The following BRF1 variants were observed in gnomAD, a reference collection of about 807,000 sequenced individuals.
The protein encoded by BRF1 is BRF1 general transcription factor IIIB subunit.
In BRF1, 59 loss-of-function variants were observed where a neutral mutation model predicts 81.7. That is an observed-to-expected ratio of 0.72 (90% CI 0.59 to 0.90). The LOEUF (loss-of-function observed/expected upper bound fraction) is 0.90, where lower values mean the gene tolerates loss of function less well. Ranked by LOEUF, BRF1 falls within the 40% of genes least tolerant of loss-of-function variation. BRF1 has a pLI of 0.00. For synonymous variants in BRF1, 491 were observed against 395.6 expected (o/e 1.24, Z -2.86); for missense variants, 1,050 against 936.3 (o/e 1.12, Z -1.58).
chr14:105,267,088 C>T (rs1051978554), intron 3 of BRF1, among the ~76,000 whole-genome samples: 3 of 152,144 alleles, frequency 2.0e-5, no homozygotes, highest in East Asian at 3.8e-4. Flanking sequence ...TTATGAGCAG[C>T]AGACACAGTT....
At position 105,271,837 on chromosome 14, in the gene BRF1, A is replaced by G. The variant is rs879445036; in HGVS notation, c.439+884T>C. On this transcript the variant is annotated intron_variant, in intron 3 of 17. Transcript: ENST00000547530. This position sits in a 1 kb window ranked among gnomAD's most constrained non-coding sequence, Gnocchi z 5.5. Reference sequence around the variant, plus strand: ...AAGCTGCACACCGCTGAGGGTCGGCAGCCTCCCCGCCCACCGCCTGCAGTC... The same window carrying G: ...AAGCTGCACACCGCTGAGGGTCGGCGGCCTCCCCGCCCACCGCCTGCAGTC... Among the ~76,000 whole-genome samples the G allele has an allele frequency of 3.4e-3, 411 of 122,338 alleles. No homozygotes were observed. The highest frequency in any genetic ancestry group is 0.021 in the Middle Eastern group (4 of 188). 80.3% of individuals were successfully genotyped at this position (122,338 alleles called of 152,430 possible). A position where few individuals can be genotyped will look rare whatever the true frequency, so the allele number is the denominator to read the frequency against.
chr14:105,292,545 AGGCCTGGCT>A (rs1406429034), intron 1 of BRF1, among the ~76,000 whole-genome samples: 1 of 152,168 alleles, frequency 6.6e-6, no homozygotes, highest in Non-Finnish European at 1.5e-5. Context: ...CACCTGTAGG[AGGCCTGGCT>A]GGCTGGGCAG....
chr14:105,247,093 C>T (rs2055173711), intron 5 of BRF1: 2 of 985,482 alleles, frequency 2.0e-6, no homozygotes, highest in African/African-American at 3.5e-5. Context: ...AAACAGACGG[C>T]TGGGACAGAA....
At chr14:105,241,588 C>G (rs1000474032) in intron 5 of BRF1, 174 bp from the exon 6 acceptor site, 21 of 837,722 alleles carry the variant, frequency 2.5e-5, no homozygotes, top group Non-Finnish European at 3.7e-5. Context: ...GGGCAGCCAT[C>G]GCACCGAACC....
At chr14:105,227,009 G>A (rs996626763) in intron 7 of BRF1, 1 of 459,170 alleles carries the variant, frequency 2.2e-6, no homozygotes, top group South Asian at 2.5e-5. Flanking sequence ...TGCTACTTGG[G>A]AGGCTGAGGT....
intron 3 of BRF1, among the ~76,000 whole-genome samples, chr14:105,260,133 C>A (rs1009995880): frequency 6.6e-6 from 1 of 152,114 alleles, no homozygotes; most frequent in Non-Finnish European, 1.5e-5. Context: ...GCAATTAGGG[C>A]CTGTGCATCT....
Position 105,308,471 on chromosome 14 carries a change from C to T in BRF1, c.-162+6851G>A, listed in dbSNP as rs587607727. Among the ~76,000 whole-genome samples, 30 of 148,286 alleles carry T rather than the reference C, an allele frequency of 2.0e-4. 1 individual carries two copies. In the East Asian group the frequency reaches 5.8e-3, roughly 29 times the overall value. ...TACTCCAGCCTGGGCACGACAGAGG[C>T]AGATTCTGTCTTTTTTTTTTTTTTT... On this transcript the variant is annotated intron_variant, in intron 1 of 17. Transcript: ENST00000327359.
chr14:105,222,721 C>A (rs962895534), intron 10 of BRF1, among the ~76,000 whole-genome samples: 1 of 152,114 alleles, frequency 6.6e-6, no homozygotes, highest in Non-Finnish European at 1.5e-5. Context: ...CTCCGCCTCC[C>A]GGGTTCACGC....
chr14:105,307,794 G>C (rs925466744), intron 1 of BRF1, among the ~76,000 whole-genome samples: 6 of 152,208 alleles, frequency 3.9e-5, no homozygotes, highest in Non-Finnish European at 2.9e-5. Flanking sequence ...CATGTGTCTG[G>C]TAGACAGACT....
chr14:105,292,220 G>A (rs1415626323), intron 1 of BRF1, among the ~76,000 whole-genome samples: 1 of 151,992 alleles, frequency 6.6e-6, no homozygotes, highest in African/African-American at 2.4e-5. Flanking sequence ...TTTCGCTCCT[G>A]TCGCCCAGGC....
intron 11 of BRF1, 152 bp from the exon 12 acceptor site, chr14:105,220,282 G>T (rs1400554827): frequency 2.7e-6 from 2 of 752,546 alleles, no homozygotes; most frequent in African/African-American, 3.5e-5. Flanking sequence ...CGCCCTGTCT[G>T]CCCACATGAC....
In BRF1 at chr14:105,315,057, C is replaced by G; in HGVS notation, c.-162+265G>C. The G allele has an allele frequency of 3.5e-6, 4 of 1,153,844 alleles. No individual in the cohort carries two copies. The South Asian group carries it at 9.7e-5, about 28-fold the overall frequency. The allele number at this position is 1,153,844 out of a possible 1,614,324, so 71.5% of individuals were successfully genotyped here. On this transcript the variant is annotated intron_variant, in intron 1 of 17. Coordinates refer to the BRF1 transcript ENST00000327359. This position sits in a 1 kb window ranked among gnomAD's most constrained non-coding sequence, Gnocchi z 4.4. ...GCCCAGGTACGCGCCGCCCGCCGCG[C>G]TTTGTTCCCGCCGGGCACCTGCTGG...
chr14:105,308,186 C>A (rs587754973), intron 1 of BRF1, among the ~76,000 whole-genome samples: 3 of 147,440 alleles, frequency 2.0e-5, no homozygotes, highest in South Asian at 2.1e-4. Context: ...CTGTCCCCCC[C>A]AAAAAAACAA....
In BRF1 at chr14:105,209,863, AGCAG is replaced by A; in HGVS notation, c.*684_*687del. The A allele has an allele frequency of 2.1e-6, 1 of 483,258 alleles. No individual in the cohort carries two copies. The highest frequency in any genetic ancestry group is 3.6e-6 in the Non-Finnish European group (1 of 275,624). The allele number at this position is 483,258 out of a possible 1,614,324, so 29.9% of individuals were successfully genotyped here. A position where few individuals can be genotyped will look rare whatever the true frequency, so the allele number is the denominator to read the frequency against. On this transcript the variant is annotated 3_prime_UTR_variant, in exon 18 of 18. Transcript: ENST00000547530. Reference sequence around the variant, plus strand: ...GGGCCCACAACTCAAGTGGCCCTGGAGCAGGGGTCTGACCCCCATGCTGCTCCAG... The same window carrying A: ...GGGCCCACAACTCAAGTGGCCCTGGAGGGTCTGACCCCCATGCTGCTCCAG...
rs2056554065 is a variant in BRF1, at chr14:105,269,153, G to A, written c.439+3568C>T. Among the ~76,000 whole-genome samples, 1 of 152,144 alleles carries A rather than the reference G, an allele frequency of 6.6e-6. No homozygotes were observed. The highest frequency in any genetic ancestry group is 2.1e-4 in the South Asian group (1 of 4,836). On this transcript the variant is annotated intron_variant, in intron 3 of 17. Transcript: ENST00000547530. The surrounding 1 kb of genome is among the most constrained non-coding windows in gnomAD (Gnocchi z 5.0). The stretch of plus-strand genomic sequence containing the variant: ...CTGGCTGGCAGGCCTAGGGCACGGT[G>A]CTGCCCGCAACCTGAAGGGAGGGCA...
chr14:105,270,332 C>G (rs1366296963), intron 3 of BRF1, among the ~76,000 whole-genome samples: 2 of 151,942 alleles, frequency 1.3e-5, no homozygotes, highest in Non-Finnish European at 2.9e-5. Context: ...TGCCACCACG[C>G]CCGGCTAATT....
At chr14:105,249,450 G>A in intron 5 of BRF1, 3 of 1,613,626 alleles carry the variant, frequency 1.9e-6, no homozygotes, top group South Asian at 1.1e-5. Context: ...TCCAGACGTG[G>A]AGCCCGCAGC....
intron 1 of BRF1, among the ~76,000 whole-genome samples, chr14:105,292,976 G>A (rs1274124786): frequency 6.6e-6 from 1 of 152,196 alleles, no homozygotes; most frequent in Non-Finnish European, 1.5e-5. Flanking sequence ...CAGGACGTGT[G>A]TCACGCTGCA....
At chr14:105,295,461 A>G (rs587665914) in intron 1 of BRF1, among the ~76,000 whole-genome samples, 2 of 151,952 alleles carry the variant, frequency 1.3e-5, no homozygotes, top group Non-Finnish European at 2.9e-5. Context: ...TACAAAAATT[A>G]GCTGGGTATA....
Sources: gnomAD v4.1 joint callset for allele counts (sites outside exome capture counted in the v4.1 genomes callset) on GRCh38, gnomAD v4.1.1 for gene constraint, Gnocchi (gnomAD v3.1) non-coding constraint, MANE v1.5 for transcripts, NCBI Gene and HGNC (gene_info 2026-07-23, HGNC 2026-07-21) for gene names.